Variants in NCAPD3 observed in about 807,000 individuals in gnomAD.
NCAPD3 encodes the protein condensin-2 complex subunit D3.
NCAPD3 carries 105 observed loss-of-function variants against 182.9 expected under a neutral mutation model. The observed-to-expected ratio is 0.57, with a 90% confidence interval of 0.49 to 0.68. The LOEUF is 0.68. NCAPD3 is among the 30% of genes least tolerant of loss of function. NCAPD3 has a pLI of 0.00. For synonymous variants in NCAPD3, 815 were observed against 679.9 expected (o/e 1.20, Z -3.09); for missense variants, 1,944 against 1,837.0 (o/e 1.06, Z -1.07).
intron 24 of NCAPD3, among the ~76,000 whole-genome samples, chr11:134,171,455 G>GA (rs1944004451): frequency 6.6e-6 from 1 of 152,164 alleles, no homozygotes; most frequent in Non-Finnish European, 1.5e-5. Flanking sequence ...TTCATGAGCT[G>GA]AATGCCATTC....
intron 16 of NCAPD3, among the ~76,000 whole-genome samples, chr11:134,190,415 GT>G: frequency 1.3e-5 from 2 of 152,298 alleles, no homozygotes; most frequent in Middle Eastern, 6.8e-3. Flanking sequence ...TTATCTATGT[GT>G]TTATCGATTT....
chr11:134,225,113 C>G, upstream of NCAPD3: 4 of 1,593,788 alleles, frequency 2.5e-6, no homozygotes, highest in South Asian at 1.1e-5. Context: ...CCGCCCGGCC[C>G]GGCGGTGCGA....
At chr11:134,163,887 A>AG (rs1038939721) in intron 27 of NCAPD3, among the ~76,000 whole-genome samples, 3 of 144,590 alleles carry the variant, frequency 2.1e-5, no homozygotes, top group African/African-American at 5.1e-5. Context: ...AAAAAAAAAA[A>AG]AAAAAGAAAA....
chr11:134,162,822 C>G (rs1460363049), intron 27 of NCAPD3, among the ~76,000 whole-genome samples: 1 of 152,160 alleles, frequency 6.6e-6, no homozygotes, highest in East Asian at 1.9e-4. Flanking sequence ...GCTAAGCATC[C>G]CTGCCCTCCA....
intron 13 of NCAPD3, among the ~76,000 whole-genome samples, chr11:134,199,157 C>G (rs1254458853): frequency 6.6e-6 from 1 of 151,970 alleles, no homozygotes; most frequent in Non-Finnish European, 1.5e-5. Context: ...AACAAAGGGA[C>G]AGGAGGAGAA....
At position 134,153,501 on chromosome 11, in the gene NCAPD3, C is replaced by A. The variant is rs1024851344; in HGVS notation, c.4253-138G>T. 1.3e-5 allele frequency: 11 copies of A among 839,864 alleles called. 1 individual carries two copies. The South Asian group carries it at 1.4e-4, about 11-fold the overall frequency. The allele number at this position is 839,864 out of a possible 1,614,324, so 52.0% of individuals were successfully genotyped here. On this transcript the variant is annotated intron_variant, in intron 32 of 34. Transcript: ENST00000534548. ...CCCTCAGACCTCCACTGGACCCTGT[C>A]CCAGGGCCTGGCAGTGTTGAGGGCC...
rs746021308 is a variant in NCAPD3, at chr11:134,168,584, T to C, written c.3258A>G (p.Ser1086=). The C allele has an allele frequency of 6.8e-6, 11 of 1,614,046 alleles. No homozygotes were observed. The South Asian group carries it at 8.8e-5, about 13-fold the overall frequency. The change falls in exon 26 of 35, where the codon TCA becomes TCG. Residue 1086 remains serine (S), a synonymous_variant. Transcript: ENST00000534548. The part of the protein sequence containing the change: ...PQSEREKRLF[S]LKGKSNKERR... ...TCTCTTTGTTTGACTTTCCCTTCAA[T>C]GAAAACAGCCGCTTCTCTCTGTGGC...
intron 3 of NCAPD3, among the ~76,000 whole-genome samples, chr11:134,215,695 ATGT>A (rs1463892599): frequency 6.6e-6 from 1 of 152,200 alleles, no homozygotes; most frequent in Non-Finnish European, 1.5e-5. Flanking sequence ...AGAAGACCTA[ATGT>A]TGTTAAATTG....
intron 2 of NCAPD3, among the ~76,000 whole-genome samples, chr11:134,218,389 A>T (rs1938108228): frequency 6.6e-6 from 1 of 152,052 alleles, no homozygotes; most frequent in African/African-American, 2.4e-5. Flanking sequence ...ACCCTCGGTG[A>T]TCTCATGCAT....
intron 13 of NCAPD3, among the ~76,000 whole-genome samples, chr11:134,200,607 G>A (rs971033266): frequency 2.6e-5 from 4 of 152,160 alleles, no homozygotes; most frequent in Admixed American, 2.6e-4. Context: ...AGAGAAATAG[G>A]ATTATCATAC....
rs779877647 is a variant in NCAPD3 at position 134,202,896 on chromosome 11, T to C, written c.1535A>G (p.Tyr512Cys). 2.5e-6 allele frequency: 4 copies of C among 1,600,596 alleles called. No individual in the cohort carries two copies. The highest frequency in any genetic ancestry group is 1.4e-5 in the African/African-American group (1 of 73,820). Residue 512 changes from tyrosine (Y) to cysteine (C), a missense_variant, in exon 13 of 35, where the codon TAC becomes TGC. Physicochemically the swap from Tyr to Cys is radical, Grantham distance 194. This residue lies in a region of NCAPD3 where 1,803 missense variants were observed against 1,674.6 expected (regional missense o/e 1.08). Coordinates refer to ENST00000534548, the MANE Select transcript of NCAPD3 (RefSeq NM_015261.3). Reference sequence around the variant, plus strand: ...GGAACGGTTAGATGTCTGCCTTTGGTAGGAAAAAGCTTTAAAAAAAAAATT... The same window carrying C: ...GGAACGGTTAGATGTCTGCCTTTGGCAGGAAAAAGCTTTAAAAAAAAAATT... Reference protein sequence around the residue: ...TLLRNSSAFSYQRQTSNRSEP... With the variant: ...TLLRNSSAFSCQRQTSNRSEP...
intron 24 of NCAPD3, among the ~76,000 whole-genome samples, chr11:134,171,189 C>A (rs1040657386): frequency 6.6e-6 from 1 of 152,142 alleles, no homozygotes; most frequent in Non-Finnish European, 1.5e-5. Flanking sequence ...CGCACATACC[C>A]ACACCACCAA....
At chr11:134,191,891 G>A (rs1944532057) in intron 16 of NCAPD3, among the ~76,000 whole-genome samples, 1 of 152,236 alleles carries the variant, frequency 6.6e-6, no homozygotes, top group South Asian at 2.1e-4. Context: ...TTTTTCGCCT[G>A]CGGATGCTGA....
At chr11:134,184,803 GTA>G (rs200954003) in intron 18 of NCAPD3, 51 bp from the exon 19 acceptor site, 10,468 of 904,752 alleles carry the variant, frequency 0.012, 150 homozygotes, top group Admixed American at 0.017. Context: ...ATATATTCAG[GTA>G]TATATACACA....
intron 3 of NCAPD3, 103 bp from the exon 4 acceptor site, chr11:134,210,557 G>T: frequency 9.7e-7 from 1 of 1,025,750 alleles, no homozygotes; most frequent in Non-Finnish European, 1.4e-6. Context: ...GGCTTTTCAT[G>T]ACTGTGAATA....
At chr11:134,159,775 C>T (rs375283504) in intron 29 of NCAPD3, 117 bp downstream of exon 29, 1 of 1,168,842 alleles carries the variant, frequency 8.6e-7, no homozygotes, top group East Asian at 2.6e-5. Context: ...CTCTCGAGGC[C>T]TTCGGGCTGA....
At chr11:134,156,831 A>G (rs746161464) in intron 32 of NCAPD3, 187 bp downstream of exon 32, 40 of 510,072 alleles carry the variant, frequency 7.8e-5, no homozygotes, top group Non-Finnish European at 1.3e-4. Flanking sequence ...GGAACAACAT[A>G]CTCGGTCAGT....
At chr11:134,154,055 CTG>C (rs1170614803) in intron 32 of NCAPD3, 1 of 153,514 alleles carries the variant, frequency 6.5e-6, no homozygotes, top group East Asian at 1.9e-4. Context: ...GTCTCACCAG[CTG>C]TGTGAGCTGC....
chr11:134,180,658 T>A (rs965714172), intron 20 of NCAPD3, among the ~76,000 whole-genome samples: 21 of 152,234 alleles, frequency 1.4e-4, no homozygotes, highest in Admixed American at 6.5e-5. Flanking sequence ...CTCAGCACTG[T>A]TCCCCAGTTC....
Sources: allele counts gnomAD v4.1 joint callset (sites outside exome capture counted in the v4.1 genomes callset), GRCh38; gene constraint gnomAD v4.1.1; regional missense constraint gnomAD v4.1.1; transcripts MANE v1.5; gene names NCBI Gene and HGNC (gene_info 2026-07-23, HGNC 2026-07-21).